KCNQ1: variants seen among roughly 807,000 people sequenced by gnomAD.
KCNQ1 encodes the protein potassium voltage-gated channel subfamily Q member 1.
In KCNQ1, 49 loss-of-function variants were observed where a neutral mutation model predicts 72.4. That is an observed-to-expected ratio of 0.68 (90% CI 0.54 to 0.86). KCNQ1 has a LOEUF of 0.86. Among genes scored for constraint, KCNQ1 ranks in the 40% least tolerant of loss-of-function variants. The probability of loss-of-function intolerance (pLI) is 0.00; values close to 1 mark genes in which losing one functional copy is unlikely to be tolerated. For missense variants in KCNQ1, 790 were observed against 945.1 expected, an observed-to-expected ratio of 0.84 and a Z score of 2.15; for synonymous variants, 450 against 412.6, an observed-to-expected ratio of 1.09 and a Z score of -1.10.
At chr11:2,839,186 G>A (rs1848150881) in intron 15 of KCNQ1, among the ~76,000 whole-genome samples, 1 of 152,130 alleles carries the variant, frequency 6.6e-6, no homozygotes, top group South Asian at 2.1e-4. Context: ...CCTCCCACCT[G>A]CCTGGCAGTG....
chr11:2,453,529 C>T lies in KCNQ1; in HGVS notation c.386+8045C>T, dbSNP rs74048620. Among the ~76,000 whole-genome samples, 458 of 152,346 alleles carry T rather than the reference C, an allele frequency of 3.0e-3. 2 individuals are homozygous for T. The highest frequency in any genetic ancestry group is 0.011 in the African/African-American group (439 of 41,574). On this transcript the variant is annotated intron_variant, in intron 1 of 15. Transcript: ENST00000155840. ...GGAGATGTGAATACCACTCACAGGA[C>T]AGTGACCCACAGGGGGACCTTGAAC... is the stretch of plus-strand genomic sequence containing the variant.
At chr11:2,799,677 T>C (rs936435768) in intron 15 of KCNQ1, among the ~76,000 whole-genome samples, 3 of 152,134 alleles carry the variant, frequency 2.0e-5, no homozygotes, top group Non-Finnish European at 4.4e-5. Flanking sequence ...TGTCTGCAGG[T>C]AGTCACCGTT....
Position 2,473,234 on chromosome 11 carries a change from T to C in KCNQ1, c.386+27750T>C, listed in dbSNP as rs1446943051. On this transcript the variant is annotated intron_variant, in intron 1 of 15. Coordinates refer to ENST00000155840, the MANE Select transcript of KCNQ1 (RefSeq NM_000218.3). This position sits in a 1 kb window ranked among gnomAD's most constrained non-coding sequence, Gnocchi z 6.0. ...GGGGTGGGGCTGGCAGGGAGGGGGC[T>C]CCATTAATTCTGATGTCATTTATTG... 6.6e-6 allele frequency among the ~76,000 whole-genome samples: 1 copy of C among 152,000 alleles called. No homozygotes were observed. Among genetic ancestry groups the C allele is most frequent in the Non-Finnish European group, 1.5e-5 (1 of 67,972 alleles).
chr11:2,511,209 G>C (rs905837661), intron 1 of KCNQ1, among the ~76,000 whole-genome samples: 1 of 152,206 alleles, frequency 6.6e-6, no homozygotes. Flanking sequence ...TGCACCTTGG[G>C]TGTGACTGTC....
rs1848613107 is a variant in KCNQ1, at chr11:2,587,653, T to A, written c.1212T>A (p.Thr404=). ...IYIRKAPRSH[T]LLSPSPKPKK... ...TCCGGAAGGCCCCCCGGAGCCACAC[T>A]CTGCTGTCACCCAGCCCCAAACCCA... The change falls in exon 9 of 16, where the codon ACT becomes ACA. Residue 404 remains threonine (T), a synonymous_variant. Transcript: ENST00000155840. 6.2e-7 allele frequency: 1 copy of A among 1,613,884 alleles called. No individual in the cohort carries two copies. Among genetic ancestry groups the A allele is most frequent in the Non-Finnish European group, 8.5e-7 (1 of 1,180,000 alleles).
intron 11 of KCNQ1, among the ~76,000 whole-genome samples, chr11:2,716,263 G>GA (rs1423660961): frequency 1.1e-4 from 16 of 152,244 alleles, no homozygotes; most frequent in African/African-American, 3.6e-4. Flanking sequence ...AAAGAAGTCA[G>GA]AAAAAAGCTC....
Position 2,654,258 on chromosome 11 carries a change from G to A in KCNQ1, c.1394-7703G>A. 1 of 398,928 alleles carries A rather than the reference G, an allele frequency of 2.5e-6. No homozygotes were observed. The highest frequency in any genetic ancestry group is 4.4e-6 in the Non-Finnish European group (1 of 226,316). The allele number at this position is 398,928 out of a possible 1,614,324, so 24.7% of individuals were successfully genotyped here. On this transcript the variant is annotated intron_variant, in intron 10 of 15. Transcript: ENST00000155840. This position sits in a 1 kb window ranked among gnomAD's most constrained non-coding sequence, Gnocchi z 6.4. ...CCCTGGGGAGGGCTTCTCCTTCACA[G>A]TGCAGGATCCGCAGGGCTTTGGTGA...
chr11:2,745,791 C>T lies in KCNQ1; in HGVS notation c.1515-23053C>T, dbSNP rs1486495395. 6.6e-6 allele frequency among the ~76,000 whole-genome samples: 1 copy of T among 152,272 alleles called. No individual in the cohort carries two copies. Among genetic ancestry groups the T allele is most frequent in the Non-Finnish European group, 1.5e-5 (1 of 68,048 alleles). ...AAGGCCGCTCAGCGAGGGCCGCCTT[C>T]AGGCCTGAGCCCGGGGCCAGGACCA... On this transcript the variant is annotated intron_variant, in intron 11 of 15. Coordinates refer to ENST00000155840, the MANE Select transcript of KCNQ1 (RefSeq NM_000218.3). This position sits in a 1 kb window ranked among gnomAD's most constrained non-coding sequence, Gnocchi z 6.2.
chr11:2,651,924 CCTA>C lies in KCNQ1; in HGVS notation c.1394-10034_1394-10032del. 1 of 398,740 alleles carries C rather than the reference CCTA, an allele frequency of 2.5e-6. No homozygotes were observed. Among genetic ancestry groups the C allele is most frequent in the Admixed American group, 4.4e-5 (1 of 22,742 alleles). The allele number at this position is 398,740 out of a possible 1,614,324, so 24.7% of individuals were successfully genotyped here. On this transcript the variant is annotated intron_variant, in intron 10 of 15. Transcript: ENST00000155840. This position sits in a 1 kb window ranked among gnomAD's most constrained non-coding sequence, Gnocchi z 6.1. ...TCCCTCTGGGGCCGCTTGCTCTCCT[CCTA>C]CTCACAGCCCTCCTGCAGCCAGCAG...
intron 5 of KCNQ1, among the ~76,000 whole-genome samples, chr11:2,572,564 G>A (rs1289695103): frequency 4.6e-5 from 7 of 152,190 alleles, no homozygotes; most frequent in Non-Finnish European, 8.8e-5. Flanking sequence ...GTTCTGTCAC[G>A]TGGCAGGAAA....
In KCNQ1 at chr11:2,764,131, C is replaced by T. The variant is rs929653051; in HGVS notation, c.1515-4713C>T. Reference sequence around the variant, plus strand: ...CTTGCTTCCTGTCTCAGGAGGAAAGCGTATCACATTTCACTATTAAGTATG... The same window carrying T: ...CTTGCTTCCTGTCTCAGGAGGAAAGTGTATCACATTTCACTATTAAGTATG... On this transcript the variant is annotated intron_variant, in intron 11 of 15. Coordinates refer to ENST00000155840, the MANE Select transcript of KCNQ1 (RefSeq NM_000218.3). The surrounding 1 kb of genome is among the most constrained non-coding windows in gnomAD (Gnocchi z 4.8). Among the ~76,000 whole-genome samples, 6 of 151,778 alleles carry T rather than the reference C, an allele frequency of 4.0e-5. No individual in the cohort carries two copies. The highest frequency in any genetic ancestry group is 2.1e-4 in the South Asian group (1 of 4,822).
intron 10 of KCNQ1, chr11:2,656,922 A>C: frequency 2.5e-6 from 1 of 398,668 alleles, no homozygotes; most frequent in East Asian, 3.6e-5. Flanking sequence ...TTAAGGGTCC[A>C]ACTTAATGTT....
At chr11:2,496,516 T>TTTTTTTC (rs1846923008) in intron 1 of KCNQ1, among the ~76,000 whole-genome samples, 1 of 129,554 alleles carries the variant, frequency 7.7e-6, no homozygotes, top group East Asian at 2.2e-4. Flanking sequence ...TTTTTTTTTT[T>TTTTTTTC]TTTTGCTTTC....
chr11:2,534,575 C>T (rs1446783361), intron 2 of KCNQ1, among the ~76,000 whole-genome samples: 3 of 152,216 alleles, frequency 2.0e-5, no homozygotes, highest in African/African-American at 7.2e-5. Flanking sequence ...ACACTTGCTT[C>T]GGGGGCAACT....
Position 2,830,560 on chromosome 11 carries a change from A to G in KCNQ1, c.1795-17207A>G, listed in dbSNP as rs1441364609. On this transcript the variant is annotated intron_variant, in intron 15 of 15. Coordinates refer to ENST00000155840, the MANE Select transcript of KCNQ1 (RefSeq NM_000218.3). This position sits in a 1 kb window ranked among gnomAD's most constrained non-coding sequence, Gnocchi z 7.7. ...CCGGGAGCAGGAAGGGCGGGCTGGGAGCTGCAGGATGGGGCCTGAATCTCT... is the reference window on the plus strand; with the variant it reads ...CCGGGAGCAGGAAGGGCGGGCTGGGGGCTGCAGGATGGGGCCTGAATCTCT... 6.6e-6 allele frequency among the ~76,000 whole-genome samples: 1 copy of G among 152,094 alleles called. No individual in the cohort carries two copies. The highest frequency in any genetic ancestry group is 1.9e-4 in the East Asian group (1 of 5,186).
chr11:2,572,708 C>T, intron 5 of KCNQ1, 138 bp from the exon 6 acceptor site: 2 of 1,113,168 alleles, frequency 1.8e-6, no homozygotes, highest in Non-Finnish European at 2.6e-6. Flanking sequence ...TATATTGAAG[C>T]CGGCCCTGTG....
Position 2,584,260 on chromosome 11 carries a change from A to G in KCNQ1, c.1032+715A>G, listed in dbSNP as rs74662628. Among the ~76,000 whole-genome samples, 82 of 4,664 alleles carry G rather than the reference A, an allele frequency of 0.018. No homozygotes were observed. In the East Asian group the frequency reaches 0.18, roughly 10 times the overall value. 3.1% of individuals were successfully genotyped at this position (4,664 alleles called of 152,430 possible). A position where few individuals can be genotyped will look rare whatever the true frequency, so the allele number is the denominator to read the frequency against. ...TATCTGTGTCACAGGTATGTATCCT[A>G]TACATCTATGTGCGTATATGTGTGT... On this transcript the variant is annotated intron_variant, in intron 7 of 15. Transcript: ENST00000155840.
chr11:2,472,237 G>A (rs1158559223), intron 1 of KCNQ1, among the ~76,000 whole-genome samples: 1 of 151,416 alleles, frequency 6.6e-6, no homozygotes, highest in African/African-American at 2.4e-5. Context: ...ATGTATATAT[G>A]GGTGTGTGTG....
intron 11 of KCNQ1, among the ~76,000 whole-genome samples, chr11:2,758,925 G>A (rs193268808): frequency 1.5e-4 from 23 of 152,344 alleles, no homozygotes; most frequent in African/African-American, 5.5e-4. Context: ...AGGAGACGCA[G>A]AGGGGGTCTT....
Sources: allele counts gnomAD v4.1 joint callset (sites outside exome capture counted in the v4.1 genomes callset), GRCh38; gene constraint gnomAD v4.1.1; non-coding constraint Gnocchi (gnomAD v3.1); transcripts MANE v1.5; gene names NCBI Gene and HGNC (gene_info 2026-07-23, HGNC 2026-07-21).